CTIF: variants seen among roughly 807,000 people sequenced by gnomAD.
The protein encoded by CTIF is CBP80/20-dependent translation initiation factor.
Under a neutral mutation model 66.0 loss-of-function variants are expected in CTIF, and 21 were observed. The ratio of observed to expected loss-of-function variants is 0.32; its 90% CI spans 0.23 to 0.46. The LOEUF (loss-of-function observed/expected upper bound fraction) is 0.46. Among genes scored for constraint, CTIF ranks in the 20% least tolerant of loss-of-function variants. The probability of loss-of-function intolerance (pLI) is 1.00; values close to 1 mark genes in which losing one functional copy is unlikely to be tolerated. For synonymous variants in CTIF, 345 were observed against 326.4 expected, an observed-to-expected ratio of 1.06 and a Z score of -0.62; for missense variants, 739 against 812.7, an observed-to-expected ratio of 0.91 and a Z score of 1.10.
At chr18:48,581,662 C>A (rs2089660657) in intron 1 of CTIF, among the ~76,000 whole-genome samples, 1 of 152,148 alleles carries the variant, frequency 6.6e-6, no homozygotes, top group South Asian at 2.1e-4. Flanking sequence ...CAGCCAGTGA[C>A]CCCTTCCACC....
intron 9 of CTIF, among the ~76,000 whole-genome samples, chr18:48,803,807 C>T (rs1418476276): frequency 6.6e-6 from 1 of 152,146 alleles, no homozygotes; most frequent in Admixed American, 6.5e-5. Flanking sequence ...GGCTCAAGAA[C>T]CATTATGAGA....
intron 2 of CTIF, 81 bp from the exon 3 acceptor site, chr18:48,636,533 G>A: frequency 9.4e-7 from 1 of 1,067,228 alleles, no homozygotes; most frequent in Non-Finnish European, 1.3e-6. Context: ...GGGAAGGCCA[G>A]GGCACAACTC....
rs112853491 is a variant in CTIF, at chr18:48,824,972, C to T, written c.1527+7596C>T. On this transcript the variant is annotated intron_variant, in intron 10 of 11. Transcript: ENST00000256413. Reference sequence around the variant, plus strand: ...GGGGAATTTTCAACAAAGTTCCATGCGCCTGTTTTCCTCCACTTCCTCTCA... The same window carrying T: ...GGGGAATTTTCAACAAAGTTCCATGTGCCTGTTTTCCTCCACTTCCTCTCA... Among the ~76,000 whole-genome samples, 60 of 152,228 alleles carry T rather than the reference C, an allele frequency of 3.9e-4. 1 individual carries two copies. The highest frequency in any genetic ancestry group is 3.9e-4 in the Admixed American group (6 of 15,296).
At chr18:48,669,068 A>G (rs1568119979) in intron 5 of CTIF, among the ~76,000 whole-genome samples, 1 of 152,090 alleles carries the variant, frequency 6.6e-6, no homozygotes, top group Non-Finnish European at 1.5e-5. Flanking sequence ...GCCTCTGGCC[A>G]TAGGACTTTT....
chr18:48,799,040 G>A (rs2067992858), intron 9 of CTIF, among the ~76,000 whole-genome samples: 2 of 152,204 alleles, frequency 1.3e-5, no homozygotes, highest in South Asian at 4.1e-4. Context: ...AGGTGGCTGG[G>A]TCAGCAGGGC....
intron 1 of CTIF, among the ~76,000 whole-genome samples, chr18:48,557,060 A>G (rs2089039023): frequency 6.6e-6 from 1 of 152,042 alleles, no homozygotes; most frequent in East Asian, 1.9e-4. Flanking sequence ...TCATAGGCAA[A>G]TACAGTGTGG....
At chr18:48,599,222 C>T (rs1047589176) in intron 1 of CTIF, among the ~76,000 whole-genome samples, 1 of 152,102 alleles carries the variant, frequency 6.6e-6, no homozygotes, top group African/African-American at 2.4e-5. Flanking sequence ...TAGGCATGCC[C>T]TCCGTATGTC....
At position 48,759,545 on chromosome 18, in the gene CTIF, T is replaced by G. The variant is rs1352587909; in HGVS notation, c.1071+1140T>G. On this transcript the variant is annotated intron_variant, in intron 8 of 11. Coordinates refer to ENST00000256413, the MANE Select transcript of CTIF (RefSeq NM_014772.3). ...CAGCAGAGTGGAAACAGCACGGGCT[T>G]TAGAGCGCAGCTGAGCAGGCTCAGA... is the stretch of plus-strand genomic sequence containing the variant. Among the ~76,000 whole-genome samples, 4 of 152,126 alleles carry G rather than the reference T, an allele frequency of 2.6e-5. No individual in the cohort carries two copies. In the East Asian group the frequency reaches 7.7e-4, roughly 29 times the overall value.
chr18:48,813,452 T>C (rs11662388), intron 9 of CTIF, among the ~76,000 whole-genome samples: 13,138 of 152,204 alleles, frequency 0.086, 643 homozygotes, highest in African/African-American at 0.12. Flanking sequence ...GTAGATGCCA[T>C]ATTGCTCTGC....
intron 6 of CTIF, among the ~76,000 whole-genome samples, chr18:48,704,876 T>C (rs1032135647): frequency 6.6e-6 from 1 of 152,108 alleles, no homozygotes; most frequent in Non-Finnish European, 1.5e-5. Context: ...GACCCTTGGT[T>C]GGGGAAGGAG....
At chr18:48,665,204 G>A (rs893005725) in intron 5 of CTIF, among the ~76,000 whole-genome samples, 12 of 152,082 alleles carry the variant, frequency 7.9e-5, no homozygotes, top group Admixed American at 1.3e-4. Context: ...ATGAGCCACC[G>A]CGCCCGGCCT....
In CTIF at chr18:48,768,439, CTG is replaced by C. The variant is rs1288654598; in HGVS notation, c.1371+6757_1371+6758del. On this transcript the variant is annotated intron_variant, in intron 9 of 11. Transcript: ENST00000256413. ...CTTTGAAACTCTTCTGAGCACTTTC[CTG>C]TGTGTGAATCGGAGGTAGGTTCCAG... Among the ~76,000 whole-genome samples, 4 of 152,158 alleles carry C rather than the reference CTG, an allele frequency of 2.6e-5. No individual in the cohort carries two copies. The East Asian group carries it at 7.7e-4, about 29-fold the overall frequency.
intron 1 of CTIF, among the ~76,000 whole-genome samples, chr18:48,571,852 A>G (rs1336722744): frequency 2.0e-5 from 3 of 151,964 alleles, no homozygotes; most frequent in Admixed American, 6.6e-5. Context: ...GAGAGAGAGA[A>G]AGAGATTTGG....
Position 48,818,185 on chromosome 18 carries a change from G to A in CTIF, c.1527+809G>A, listed in dbSNP as rs563046369. Among the ~76,000 whole-genome samples the A allele has an allele frequency of 8.5e-5, 13 of 152,388 alleles. No individual in the cohort carries two copies. In the South Asian group the frequency reaches 2.3e-3, roughly 27 times the overall value. ...CACCCCTCTGGCTGCTGTCAGGGGAGAGAATTGAAAGGGGGCAAAGTGGAA... is the reference window on the plus strand; with the variant it reads ...CACCCCTCTGGCTGCTGTCAGGGGAAAGAATTGAAAGGGGGCAAAGTGGAA... On this transcript the variant is annotated intron_variant, in intron 10 of 11. Coordinates refer to ENST00000256413, the MANE Select transcript of CTIF (RefSeq NM_014772.3).
chr18:48,827,963 T>G (rs961638375), intron 10 of CTIF, among the ~76,000 whole-genome samples: 1 of 151,986 alleles, frequency 6.6e-6, no homozygotes, highest in African/African-American at 2.4e-5. Context: ...CCTGGATCCT[T>G]GACCTCCTCA....
intron 9 of CTIF, among the ~76,000 whole-genome samples, chr18:48,774,476 G>C (rs553986959): frequency 1.3e-5 from 2 of 151,102 alleles, no homozygotes; most frequent in Admixed American, 6.6e-5. Flanking sequence ...CGGCCTCTTT[G>C]GGGGGGACAG....
intron 5 of CTIF, among the ~76,000 whole-genome samples, chr18:48,665,756 C>T (rs2091426074): frequency 6.6e-6 from 1 of 152,198 alleles, no homozygotes; most frequent in African/African-American, 2.4e-5. Flanking sequence ...GCTTCTTTCC[C>T]TTGGCATAAT....
At chr18:48,735,359 G>A (rs2092491582) in intron 7 of CTIF, among the ~76,000 whole-genome samples, 2 of 152,226 alleles carry the variant, frequency 1.3e-5, no homozygotes, top group African/African-American at 4.8e-5. Flanking sequence ...TGAGAAGCCA[G>A]TGAAGAATTA....
chr18:48,859,854 A>C lies in CTIF; in HGVS notation c.*295A>C. 5.1e-6 allele frequency: 3 copies of C among 584,618 alleles called. No individual in the cohort carries two copies. The highest frequency in any genetic ancestry group is 9.7e-6 in the Non-Finnish European group (3 of 309,570). The allele number at this position is 584,618 out of a possible 1,614,324, so 36.2% of individuals were successfully genotyped here. ...CCTCACTCCCGCCTCTCCCCTCCCC[A>C]TCAGACCCATCCCCCACGGAGCTTT... On this transcript the variant is annotated 3_prime_UTR_variant, in exon 12 of 12. Transcript: ENST00000256413.
Sources: gnomAD v4.1 joint callset for allele counts (sites outside exome capture counted in the v4.1 genomes callset) on GRCh38, gnomAD v4.1.1 for gene constraint, MANE v1.5 for transcripts, NCBI Gene and HGNC (gene_info 2026-07-23, HGNC 2026-07-21) for gene names.